Variants in CIB4 observed in about 807,000 individuals in gnomAD.
CIB4 encodes the protein calcium and integrin binding family member 4, also known as calcium and integrin-binding family member 4.
CIB4 carries 25 observed loss-of-function variants against 25.8 expected under a neutral mutation model. The observed-to-expected ratio is 0.97, with a 90% CI of 0.71 to 1.35. The LOEUF (loss-of-function observed/expected upper bound fraction) is 1.35. Ranked by LOEUF, CIB4 falls within the 40% of genes most tolerant of loss-of-function variation. CIB4 has a pLI of 0.00. For missense variants in CIB4, 235 were observed against 228.2 expected, an observed-to-expected ratio of 1.03 and a Z score of -0.19; for synonymous variants, 75 against 81.4, an observed-to-expected ratio of 0.92 and a Z score of 0.42.
At chr2:26,591,273 G>T (rs1649937200) in intron 4 of CIB4, among the ~76,000 whole-genome samples, 1 of 152,236 alleles carries the variant, frequency 6.6e-6, no homozygotes, top group South Asian at 2.1e-4. Context: ...TAGATCACTG[G>T]CTGGGTGAGA....
intron 3 of CIB4, among the ~76,000 whole-genome samples, chr2:26,628,188 G>A (rs1669345472): frequency 6.6e-6 from 1 of 152,182 alleles, no homozygotes; most frequent in African/African-American, 2.4e-5. Context: ...GAGTGATTTT[G>A]GAGTCCTTTA....
chr2:26,592,490 T>C (rs924883941), intron 4 of CIB4, among the ~76,000 whole-genome samples: 6 of 152,230 alleles, frequency 3.9e-5, no homozygotes, highest in African/African-American at 1.4e-4. Flanking sequence ...TAAATCTGTG[T>C]CTTACATCAA....
chr2:26,589,588 C>T (rs1019039559), intron 4 of CIB4, among the ~76,000 whole-genome samples: 4 of 152,196 alleles, frequency 2.6e-5, no homozygotes, highest in Admixed American at 6.5e-5. Context: ...TCTCAAAGTG[C>T]TGGGATTACA....
rs534646723 is a variant in CIB4 at position 26,581,748 on chromosome 2, T to C, written c.528-355A>G. On this transcript the variant is annotated intron_variant, in intron 6 of 6. Transcript: ENST00000288861. Reference sequence around the variant, plus strand: ...TAGCTTTGGCTGGGGTGGTCCCAAGTGTGCATCCTTAGAGAGGGGCCACCC... The same window carrying C: ...TAGCTTTGGCTGGGGTGGTCCCAAGCGTGCATCCTTAGAGAGGGGCCACCC... Among the ~76,000 whole-genome samples, 166 of 152,280 alleles carry C rather than the reference T, an allele frequency of 1.1e-3. 2 individuals are homozygous for C. The highest frequency in any genetic ancestry group is 3.7e-3 in the African/African-American group (155 of 41,562).
intron 3 of CIB4, among the ~76,000 whole-genome samples, chr2:26,595,895 G>GCACACA (rs755408979): frequency 9.0e-4 from 133 of 148,514 alleles, no homozygotes; most frequent in African/African-American, 3.2e-3. Context: ...ACTTATCTGC[G>GCACACA]CGCACACACA....
chr2:26,600,248 T>C (rs1005376157), intron 3 of CIB4, among the ~76,000 whole-genome samples: 1 of 118,488 alleles, frequency 8.4e-6, no homozygotes, highest in Non-Finnish European at 1.8e-5. Context: ...TACTAAAAAA[T>C]ACAAAAATTA....
At chr2:26,591,891 A>G (rs1029930157) in intron 4 of CIB4, among the ~76,000 whole-genome samples, 2 of 152,218 alleles carry the variant, frequency 1.3e-5, no homozygotes, top group Non-Finnish European at 2.9e-5. Context: ...AAGGAAGTAA[A>G]TTCTGCCAAC....
intron 2 of CIB4, among the ~76,000 whole-genome samples, chr2:26,637,242 T>C (rs1410791767): frequency 6.6e-6 from 1 of 152,178 alleles, no homozygotes; most frequent in Non-Finnish European, 1.5e-5. Flanking sequence ...CATCCTGGCA[T>C]TTGGAGGTTC....
chr2:26,620,714 A>C (rs1669188811), intron 3 of CIB4, among the ~76,000 whole-genome samples: 1 of 152,200 alleles, frequency 6.6e-6, no homozygotes. Context: ...GCTTTTTAGC[A>C]ACCACCCTTC....
chr2:26,587,163 G>A (rs1310494114), intron 4 of CIB4, among the ~76,000 whole-genome samples: 3 of 151,790 alleles, frequency 2.0e-5, no homozygotes, highest in Admixed American at 6.6e-5. Flanking sequence ...AAAATTAGCC[G>A]GGCGTAGTGG....
intron 2 of CIB4, among the ~76,000 whole-genome samples, chr2:26,637,652 C>T (rs1177567242): frequency 6.6e-6 from 1 of 152,142 alleles, no homozygotes; most frequent in Non-Finnish European, 1.5e-5. Context: ...CACCTGTGTC[C>T]TCTTCATGCA....
At chr2:26,639,344 C>A (rs1182287529) in intron 2 of CIB4, among the ~76,000 whole-genome samples, 2 of 151,956 alleles carry the variant, frequency 1.3e-5, no homozygotes, top group African/African-American at 4.8e-5. Context: ...TATCCCTCCC[C>A]TAGACCCCCA....
intron 3 of CIB4, among the ~76,000 whole-genome samples, chr2:26,617,147 T>TGTGTGTGTGTGTGTGTGTGTGTGC (rs10665609): frequency 8.2e-4 from 123 of 150,518 alleles, no homozygotes; most frequent in African/African-American, 2.9e-3. Flanking sequence ...TGTGTGTGTG[T>TGTGTGTGTGTGTGTGTGTGTGTGC]GCACGTGAGC....
At chr2:26,615,310 G>C (rs371310805) in intron 3 of CIB4, among the ~76,000 whole-genome samples, 2 of 152,204 alleles carry the variant, frequency 1.3e-5, no homozygotes, top group African/African-American at 4.8e-5. Flanking sequence ...ACTGCAGCCA[G>C]GTGAGCAGTG....
intron 3 of CIB4, among the ~76,000 whole-genome samples, chr2:26,609,396 T>C (rs886272149): frequency 6.6e-6 from 1 of 151,948 alleles, no homozygotes; most frequent in African/African-American, 2.4e-5. Context: ...CACCTCCCTC[T>C]CCCCAGCCTT....
Position 26,641,167 on chromosome 2 carries a change from C to T in CIB4, c.54+94G>A, listed in dbSNP as rs1425373697. Reference sequence around the variant, plus strand: ...CCAGGGAAGCCAAAAATTGGACACCCCTGCTAGAGCGTCAGGAAGGAATTT... The same window carrying T: ...CCAGGGAAGCCAAAAATTGGACACCTCTGCTAGAGCGTCAGGAAGGAATTT... On this transcript the variant is annotated intron_variant, in intron 1 of 6. Coordinates refer to ENST00000288861, the MANE Select transcript of CIB4 (RefSeq NM_001029881.3). 1.0e-5 allele frequency: 11 copies of T among 1,087,216 alleles called. No homozygotes were observed. In the East Asian group the frequency reaches 1.2e-4, roughly 12 times the overall value. The allele number at this position is 1,087,216 out of a possible 1,614,324, so 67.3% of individuals were successfully genotyped here. A position where few individuals can be genotyped will look rare whatever the true frequency, so the allele number is the denominator to read the frequency against.
intron 1 of CIB4, among the ~76,000 whole-genome samples, chr2:26,640,922 G>A (rs935278365): frequency 6.6e-6 from 1 of 152,172 alleles, no homozygotes; most frequent in Non-Finnish European, 1.5e-5. Context: ...AGGGACCACC[G>A]CTACCCCGCC....
intron 3 of CIB4, among the ~76,000 whole-genome samples, chr2:26,607,088 ACCTCTCCTAGGTGG>A (rs1668903552): frequency 6.6e-6 from 1 of 151,842 alleles, no homozygotes; most frequent in Non-Finnish European, 1.5e-5. Context: ...TGCCCTAACT[ACCTCTCCTAGGTGG>A]AGCTCAAAGG....
intron 4 of CIB4, among the ~76,000 whole-genome samples, chr2:26,588,474 T>C (rs1668497302): frequency 1.3e-5 from 2 of 152,128 alleles, no homozygotes; most frequent in African/African-American, 4.8e-5. Flanking sequence ...CTCCCAACAA[T>C]GCTAGGAGGG....
Sources: allele counts gnomAD v4.1 joint callset (sites outside exome capture counted in the v4.1 genomes callset), GRCh38; gene constraint gnomAD v4.1.1; transcripts MANE v1.5; gene names NCBI Gene and HGNC (gene_info 2026-07-23, HGNC 2026-07-21).